ENPP6: variants seen among roughly 807,000 people sequenced by gnomAD.
ENPP6 encodes glycerophosphocholine cholinephosphodiesterase ENPP6.
A neutral mutation model predicts 42.0 loss-of-function variants in ENPP6; 32 were observed. The ratio of observed to expected loss-of-function variants is 0.76; its 90% confidence interval spans 0.58 to 1.02. The LOEUF (loss-of-function observed/expected upper bound fraction) is 1.02, where lower values mean the gene tolerates loss of function less well. Among genes scored for constraint, ENPP6 ranks in the 50% least tolerant of loss-of-function variants. The probability of loss-of-function intolerance (pLI) is 0.00; values close to 1 mark genes in which losing one functional copy is unlikely to be tolerated. For synonymous variants in ENPP6, 213 were observed against 216.0 expected (o/e 0.99, Z 0.12); for missense variants, 552 against 566.8 (o/e 0.97, Z 0.27).
intron 1 of ENPP6, among the ~76,000 whole-genome samples, chr4:184,159,765 A>G (rs1737232012): frequency 6.6e-6 from 1 of 152,170 alleles, no homozygotes. Context: ...AGCAGTGTAC[A>G]TTGTACCCAA....
intron 2 of ENPP6, among the ~76,000 whole-genome samples, chr4:184,143,507 C>T (rs537422693): frequency 3.3e-3 from 500 of 152,362 alleles, no homozygotes; most frequent in Middle Eastern, 0.01. Context: ...TGCCTCAGTT[C>T]TGTGGGTGAG....
chr4:184,180,693 A>G (rs1268963695), intron 1 of ENPP6, among the ~76,000 whole-genome samples: 1 of 152,254 alleles, frequency 6.6e-6, no homozygotes, highest in Non-Finnish European at 1.5e-5. Context: ...CTGGGATACA[A>G]GCCTGATTCA....
At position 184,169,969 on chromosome 4, in the gene ENPP6, T is replaced by G. The variant is rs373816988; in HGVS notation, c.242-16236A>C. On this transcript the variant is annotated intron_variant, in intron 1 of 7. Coordinates refer to ENST00000296741, the MANE Select transcript of ENPP6 (RefSeq NM_153343.4). ...ATACCAGACATCCCATCTGAAGTCA[T>G]AAATACTTCTGTGCCTGTCTCTAGT... 3.9e-5 allele frequency among the ~76,000 whole-genome samples: 6 copies of G among 152,318 alleles called. No individual in the cohort carries two copies. In the South Asian group the frequency reaches 1.2e-3, roughly 32 times the overall value.
At chr4:184,164,468 A>C (rs1223442929) in intron 1 of ENPP6, among the ~76,000 whole-genome samples, 1 of 152,184 alleles carries the variant, frequency 6.6e-6, no homozygotes, top group Non-Finnish European at 1.5e-5. Context: ...GTGTCCTTAT[A>C]AAAACGGGAA....
chr4:184,132,109 C>T (rs978553759), intron 2 of ENPP6, among the ~76,000 whole-genome samples: 2 of 152,088 alleles, frequency 1.3e-5, no homozygotes, highest in African/African-American at 4.8e-5. Flanking sequence ...GATGGCCACC[C>T]ACATTGGGGA....
In ENPP6 at chr4:184,152,319, T is replaced by A. The variant is rs187765600; in HGVS notation, c.421+1235A>T. Reference sequence around the variant, plus strand: ...CACCTCTATCCAGCATCCTCCAAACTCCTGCTGAAGGCCCACGCAATCCTT... The same window carrying A: ...CACCTCTATCCAGCATCCTCCAAACACCTGCTGAAGGCCCACGCAATCCTT... On this transcript the variant is annotated intron_variant, in intron 2 of 7. Coordinates refer to ENST00000296741, the MANE Select transcript of ENPP6 (RefSeq NM_153343.4). 1.1e-4 allele frequency among the ~76,000 whole-genome samples: 16 copies of A among 152,136 alleles called. No individual in the cohort carries two copies. In the East Asian group the frequency reaches 2.9e-3, roughly 28 times the overall value.
intron 6 of ENPP6, among the ~76,000 whole-genome samples, chr4:184,104,676 G>A (rs1395304994): frequency 6.6e-6 from 1 of 152,168 alleles, no homozygotes; most frequent in South Asian, 2.1e-4. Flanking sequence ...GCCTGACTTC[G>A]CTTTCTTCTC....
chr4:184,206,841 C>T (rs1733008686), intron 1 of ENPP6, among the ~76,000 whole-genome samples: 1 of 152,224 alleles, frequency 6.6e-6, no homozygotes, highest in Non-Finnish European at 1.5e-5. Context: ...TTGATTTCCA[C>T]AGAGGAGCAC....
rs555775310 is a variant in ENPP6, at chr4:184,208,408, G to A, written c.241+9171C>T. On this transcript the variant is annotated intron_variant, in intron 1 of 7. Transcript: ENST00000296741. ...CACCCTGCGCGAGCCGAAGCGGGGCGAGGCATTGCCTCACTTGGGAAGCAC... is the reference window on the plus strand; with the variant it reads ...CACCCTGCGCGAGCCGAAGCGGGGCAAGGCATTGCCTCACTTGGGAAGCAC... Among the ~76,000 whole-genome samples the A allele has an allele frequency of 9.2e-5, 14 of 152,346 alleles. No homozygotes were observed. In the East Asian group the frequency reaches 1.2e-3, roughly 13 times the overall value.
chr4:184,173,153 C>G (rs1210567757), intron 1 of ENPP6, among the ~76,000 whole-genome samples: 3 of 152,134 alleles, frequency 2.0e-5, no homozygotes, highest in Non-Finnish European at 2.9e-5. Context: ...GATCCACCCC[C>G]CTCAGCCTCC....
At position 184,189,761 on chromosome 4, in the gene ENPP6, G is replaced by A. The variant is rs76859976; in HGVS notation, c.241+27818C>T. Among the ~76,000 whole-genome samples, 1,318 of 152,298 alleles carry A rather than the reference G, an allele frequency of 8.7e-3. 14 individuals carry two copies. The highest frequency in any genetic ancestry group is 0.015 in the Non-Finnish European group (993 of 68,022). On this transcript the variant is annotated intron_variant, in intron 1 of 7. Transcript: ENST00000296741. ...ACTTTGTCTGAAGCCACAAGGTTTA[G>A]ATCTCACCACAGCCCGGAGTAGAAC...
At chr4:184,113,965 C>CTTTCTTTCTTTCTTTCTTTCTT (rs1560982025) in intron 5 of ENPP6, among the ~76,000 whole-genome samples, 30 of 36,512 alleles carry the variant, frequency 8.2e-4, no homozygotes, top group Non-Finnish European at 1.5e-3. Context: ...CTTTCTTTCT[C>CTTTCTTTCTTTCTTTCTTTCTT]TCTTTCTTTC....
chr4:184,131,197 CTTT>C (rs1560987261), intron 2 of ENPP6, among the ~76,000 whole-genome samples: 613 of 48,010 alleles, frequency 0.013, 28 homozygotes, highest in Admixed American at 0.063. Flanking sequence ...TTCTTTCTTT[CTTT>C]CTTCTTTCTT....
At position 184,112,762 on chromosome 4, in the gene ENPP6, T is replaced by C. The variant is rs948603264; in HGVS notation, c.903A>G (p.Lys301=). The C allele has an allele frequency of 1.2e-6, 2 of 1,614,162 alleles. No individual in the cohort carries two copies. The highest frequency in any genetic ancestry group is 1.7e-6 in the Non-Finnish European group (2 of 1,180,036). ...STVEHMTVYE[K]EAIPSRFYYK... Reference sequence around the variant, plus strand: ...AATAGAACCTGCTTGGGATGGCTTCTTTCTCGTAGACAGTCATGTGTTCCA... The same window carrying C: ...AATAGAACCTGCTTGGGATGGCTTCCTTCTCGTAGACAGTCATGTGTTCCA... The change falls in exon 6 of 8, where the codon AAA becomes AAG. Residue 301 remains lysine (K), a synonymous_variant. Transcript: ENST00000296741.
At chr4:184,133,400 G>A (rs1487776537) in intron 2 of ENPP6, among the ~76,000 whole-genome samples, 1 of 151,900 alleles carries the variant, frequency 6.6e-6, no homozygotes, top group Non-Finnish European at 1.5e-5. Flanking sequence ...TACTATAAAT[G>A]GTATTGACCT....
intron 2 of ENPP6, among the ~76,000 whole-genome samples, chr4:184,137,193 T>C (rs965277343): frequency 6.6e-6 from 1 of 152,198 alleles, no homozygotes; most frequent in Non-Finnish European, 1.5e-5. Context: ...GCCTTCCAGG[T>C]TCAAGCAATT....
chr4:184,126,452 A>T (rs1254261357), intron 2 of ENPP6, among the ~76,000 whole-genome samples: 1 of 152,234 alleles, frequency 6.6e-6, no homozygotes, highest in Non-Finnish European at 1.5e-5. Flanking sequence ...AATTAATTTT[A>T]ATTTAAACAA....
intron 1 of ENPP6, among the ~76,000 whole-genome samples, chr4:184,162,570 A>G (rs1157734303): frequency 1.1e-4 from 17 of 151,214 alleles, no homozygotes; most frequent in Non-Finnish European, 2.1e-4. Flanking sequence ...GAAGGAAGGA[A>G]GGAAGAAAGG....
At position 184,153,561 on chromosome 4, in the gene ENPP6, G is replaced by A; in HGVS notation, c.414C>T (p.Tyr138=). ...GGATGTTCACACACTCACCTGGCCA[G>A]TAGTACATGTAGACCTTCCTTTTGG... ...TKAKRKVYMY[Y]WPGCEVEILG... The change falls in exon 2 of 8, where the codon TAC becomes TAT. Residue 138 remains tyrosine, a synonymous_variant. Transcript: ENST00000296741. The A allele has an allele frequency of 6.2e-7, 1 of 1,613,136 alleles. No individual in the cohort carries two copies. The highest frequency in any genetic ancestry group is 1.1e-5 in the South Asian group (1 of 90,828).
Sources: allele counts gnomAD v4.1 joint callset (sites outside exome capture counted in the v4.1 genomes callset), GRCh38; gene constraint gnomAD v4.1.1; transcripts MANE v1.5; gene names NCBI Gene and HGNC (gene_info 2026-07-23, HGNC 2026-07-21).